The following DDR2 variants were observed in gnomAD, a reference collection of about 807,000 sequenced individuals.
DDR2 encodes the protein discoidin domain receptor tyrosine kinase 2, also known as discoidin domain-containing receptor 2.
Under a neutral mutation model 94.9 loss-of-function variants are expected in DDR2, and 27 were observed. The ratio of observed to expected loss-of-function variants is 0.28; its 90% CI spans 0.21 to 0.39. The LOEUF is 0.39. Ranked by LOEUF, DDR2 falls within the 10% of genes least tolerant of loss-of-function variation. The pLI is 1.00. For synonymous variants in DDR2, 382 were observed against 377.2 expected, an observed-to-expected ratio of 1.01 and a Z score of -0.15; for missense variants, 783 against 1,076.0, an observed-to-expected ratio of 0.73 and a Z score of 3.81.
intron 2 of DDR2, among the ~76,000 whole-genome samples, chr1:162,692,364 TAAGAA>T (rs2101978565): frequency 6.6e-6 from 1 of 152,356 alleles, no homozygotes. Flanking sequence ...AAGTCACTGT[TAAGAA>T]AGGAAAAGGC....
intron 1 of DDR2, among the ~76,000 whole-genome samples, chr1:162,648,370 G>A (rs555592844): frequency 6.6e-6 from 1 of 152,182 alleles, no homozygotes; most frequent in African/African-American, 2.4e-5. Context: ...TAACAGTGAG[G>A]ACAGGAGCCT....
At position 162,775,536 on chromosome 1, in the gene DDR2, C is replaced by G. The variant is rs191570951; in HGVS notation, c.1857-116C>G. 4 of 1,154,848 alleles carry G rather than the reference C, an allele frequency of 3.5e-6. No individual in the cohort carries two copies. In the African/African-American group the frequency reaches 4.6e-5, roughly 13 times the overall value. The allele number at this position is 1,154,848 out of a possible 1,614,324, so 71.5% of individuals were successfully genotyped here. A position where few individuals can be genotyped will look rare whatever the true frequency, so the allele number is the denominator to read the frequency against. ...TTTCTCTGTCCTCTCAAAAGTTATCCAAAGGGAAACAAGATTTGGCATAAT... is the reference window on the plus strand; with the variant it reads ...TTTCTCTGTCCTCTCAAAAGTTATCGAAAGGGAAACAAGATTTGGCATAAT... On this transcript the variant is annotated intron_variant, in intron 14 of 17. Transcript: ENST00000367921.
chr1:162,714,235 T>G (rs144744415), intron 2 of DDR2, among the ~76,000 whole-genome samples: 120 of 152,324 alleles, frequency 7.9e-4, no homozygotes, highest in Non-Finnish European at 9.1e-4. Context: ...GTTTACATGT[T>G]ATGTTTATGA....
At chr1:162,641,336 G>A (rs903070269) in intron 1 of DDR2, among the ~76,000 whole-genome samples, 1 of 152,096 alleles carries the variant, frequency 6.6e-6, no homozygotes, top group Non-Finnish European at 1.5e-5. Flanking sequence ...CTTCACCCTA[G>A]TTGTCACCCT....
At chr1:162,721,446 TC>T in intron 3 of DDR2, among the ~76,000 whole-genome samples, 1 of 152,342 alleles carries the variant, frequency 6.6e-6, no homozygotes, top group East Asian at 1.9e-4. Context: ...CTCTGCCATT[TC>T]TTTCTATTTT....
intron 9 of DDR2, among the ~76,000 whole-genome samples, chr1:162,763,153 C>T (rs1353004694): frequency 1.0e-4 from 15 of 150,392 alleles, no homozygotes; most frequent in Admixed American, 1.0e-3. Flanking sequence ...CTTTTTAATA[C>T]TCAAGTTGTG....
At chr1:162,651,624 A>G (rs369544036) in intron 1 of DDR2, among the ~76,000 whole-genome samples, 16 of 152,138 alleles carry the variant, frequency 1.1e-4, no homozygotes, top group East Asian at 1.9e-4. Flanking sequence ...TCATCTTTCT[A>G]TCAACTATAG....
chr1:162,762,259 T>C (rs916603985), intron 9 of DDR2, among the ~76,000 whole-genome samples: 2 of 152,244 alleles, frequency 1.3e-5, no homozygotes, highest in African/African-American at 4.8e-5. Context: ...GTCATTTTAC[T>C]TGAGCTTCTG....
At chr1:162,731,728 C>A (rs1662055539) in intron 3 of DDR2, among the ~76,000 whole-genome samples, 1 of 152,228 alleles carries the variant, frequency 6.6e-6, no homozygotes, top group Non-Finnish European at 1.5e-5. Context: ...CCATTACATT[C>A]TATAAAGTAT....
intron 1 of DDR2, among the ~76,000 whole-genome samples, chr1:162,640,008 G>A (rs893150599): frequency 3.3e-5 from 5 of 151,848 alleles, no homozygotes; most frequent in Non-Finnish European, 7.4e-5. Context: ...CACTGAGAGT[G>A]AACCCTAAGA....
At chr1:162,743,771 A>C (rs768733569) in intron 3 of DDR2, among the ~76,000 whole-genome samples, 2 of 152,236 alleles carry the variant, frequency 1.3e-5, no homozygotes, top group Non-Finnish European at 2.9e-5. Flanking sequence ...GCCAGTTTTG[A>C]CTTACATATA....
chr1:162,672,778 A>G (rs1195099950), intron 2 of DDR2, among the ~76,000 whole-genome samples: 2 of 152,042 alleles, frequency 1.3e-5, no homozygotes, highest in Non-Finnish European at 2.9e-5. Flanking sequence ...GTTTTTTCCA[A>G]TGTTCTGGCG....
intron 2 of DDR2, among the ~76,000 whole-genome samples, chr1:162,667,098 A>G (rs1244144751): frequency 1.3e-5 from 2 of 152,024 alleles, no homozygotes; most frequent in African/African-American, 2.4e-5. Context: ...TTATTTTTGA[A>G]TGATGGCAGA....
chr1:162,777,318 C>T (rs910262813), intron 16 of DDR2, among the ~76,000 whole-genome samples: 1 of 152,078 alleles, frequency 6.6e-6, no homozygotes, highest in Admixed American at 6.5e-5. Context: ...TGGGATGACA[C>T]TATGCCATAC....
chr1:162,729,298 A>ATGTTGTTTTTTTTTTT (rs1324912200), intron 3 of DDR2, among the ~76,000 whole-genome samples: 2 of 34,462 alleles, frequency 5.8e-5, no homozygotes, highest in Admixed American at 2.7e-4. Flanking sequence ...ATATATATAT[A>ATGTTGTTTTTTTTTTT]TATTTTTTTT....
At chr1:162,648,011 A>G (rs1174917135) in intron 1 of DDR2, among the ~76,000 whole-genome samples, 1 of 151,470 alleles carries the variant, frequency 6.6e-6, no homozygotes, top group Admixed American at 6.6e-5. Context: ...CTCTGGTTCA[A>G]ATGCCTCTGA....
chr1:162,750,872 C>T (rs1031346977), intron 3 of DDR2, among the ~76,000 whole-genome samples: 1 of 152,084 alleles, frequency 6.6e-6, no homozygotes, highest in African/African-American at 2.4e-5. Flanking sequence ...CTTTGACAAA[C>T]CTGACAAAAA....
chr1:162,681,612 G>C (rs972271482), intron 2 of DDR2, among the ~76,000 whole-genome samples: 1 of 152,148 alleles, frequency 6.6e-6, no homozygotes, highest in African/African-American at 2.4e-5. Flanking sequence ...TTGGTGTCTG[G>C]TTAGGCCTGC....
In DDR2 at chr1:162,732,685, G is replaced by A. The variant is rs572923436; in HGVS notation, c.82+13540G>A. 2.1e-4 allele frequency among the ~76,000 whole-genome samples: 32 copies of A among 152,326 alleles called. 1 individual carries two copies. The highest frequency in any genetic ancestry group is 3.8e-4 in the Non-Finnish European group (26 of 68,038). ...AATGCCCCTCAGTCAGTCTTGTCTG[G>A]GCCCAGAGAGGCCCAGGTGTCAGGT... On this transcript the variant is annotated intron_variant, in intron 3 of 17. Coordinates refer to ENST00000367921, the MANE Select transcript of DDR2 (RefSeq NM_006182.4).
Sources: allele counts gnomAD v4.1 joint callset (sites outside exome capture counted in the v4.1 genomes callset), GRCh38; gene constraint gnomAD v4.1.1; transcripts MANE v1.5; gene names NCBI Gene and HGNC (gene_info 2026-07-23, HGNC 2026-07-21).